ENG: variants seen among roughly 807,000 people sequenced by gnomAD.
ENG encodes CD105 antigen.
In ENG, 17 loss-of-function variants were observed where a neutral mutation model predicts 71.0. The observed-to-expected ratio is 0.24, with a 90% confidence interval of 0.16 to 0.36. The LOEUF is 0.36. Among genes scored for constraint, ENG ranks in the 10% least tolerant of loss-of-function variants. ENG has a pLI of 1.00. For synonymous variants in ENG, 360 were observed against 366.9 expected (o/e 0.98, Z 0.21); for missense variants, 749 against 868.3 (o/e 0.86, Z 1.73).
rs187935622 is a variant in ENG, at chr9:127,830,770, C to T, written c.220-943G>A. Among the ~76,000 whole-genome samples the T allele has an allele frequency of 1.3e-3, 200 of 152,204 alleles. 1 individual carries two copies. Among genetic ancestry groups the T allele is most frequent in the African/African-American group, 4.7e-3 (195 of 41,534 alleles). ...GTGTCCTGTGCATGGAGGCAGCGAT[C>T]CCCTGCCCCATCGTCCCCACCACCT... On this transcript the variant is annotated intron_variant, in intron 2 of 14. Coordinates refer to ENST00000373203, the MANE Select transcript of ENG (RefSeq NM_001114753.3).
intron 1 of ENG, among the ~76,000 whole-genome samples, chr9:127,843,772 T>C (rs1420284233): frequency 3.0e-5 from 3 of 100,086 alleles, no homozygotes; most frequent in African/African-American, 1.2e-4. Flanking sequence ...TTTTTTTTTT[T>C]TTTTTTTTTT....
At chr9:127,816,561 G>C (rs1830321717) in intron 13 of ENG, 1 of 248,830 alleles carries the variant, frequency 4.0e-6, no homozygotes, top group South Asian at 5.4e-5. Flanking sequence ...TTGAGCCTCT[G>C]ACATCCGATT....
intron 14 of ENG, 65 bp downstream of exon 14, chr9:127,815,878 C>T: frequency 6.4e-7 from 1 of 1,562,286 alleles, no homozygotes; most frequent in Non-Finnish European, 8.7e-7. Flanking sequence ...TCAGAGGCTT[C>T]ACTGGGCTCC....
Position 127,825,280 on chromosome 9 carries a change from G to C in ENG, c.767C>G (p.Pro256Arg). 6.2e-7 allele frequency: 1 copy of C among 1,612,146 alleles called. No individual in the cohort carries two copies. Among genetic ancestry groups the C allele is most frequent in the Non-Finnish European group, 8.5e-7 (1 of 1,179,622 alleles). Residue 256 changes from proline (P) to arginine (R), a missense_variant, in exon 6 of 15, where the codon CCC (proline) becomes CGC (arginine). Physicochemically the swap from Pro to Arg is moderately radical, Grantham distance 103. Coordinates refer to ENST00000373203, the MANE Select transcript of ENG (RefSeq NM_001114753.3). ...DLDAVLILQG[P>R]PYVSWLIDAN... Reference sequence around the variant, plus strand: ...GTCGATGAGCCAGGACACGTAGGGGGGACCCTGCAGGATGAGGACGGCATC... The same window carrying C: ...GTCGATGAGCCAGGACACGTAGGGGCGACCCTGCAGGATGAGGACGGCATC...
chr9:127,815,855 GC>G, intron 14 of ENG, 49 bp from the exon 15 acceptor site: 2 of 1,552,026 alleles, frequency 1.3e-6, no homozygotes, highest in Admixed American at 2.0e-5. Flanking sequence ...CCTGGCCAGG[GC>G]CCCTCAATCC....
intron 2 of ENG, among the ~76,000 whole-genome samples, chr9:127,842,116 T>C (rs1417032335): frequency 2.0e-5 from 3 of 152,112 alleles, no homozygotes; most frequent in African/African-American, 7.2e-5. Flanking sequence ...GAGAATCGTC[T>C]CCAGGCCGGC....
chr9:127,829,162 T>G (rs1463392643), intron 3 of ENG, among the ~76,000 whole-genome samples: 1 of 152,186 alleles, frequency 6.6e-6, no homozygotes, highest in East Asian at 1.9e-4. Context: ...AAATACTTTT[T>G]TCTCCAAAAT....
rs569137138 is a variant in ENG at position 127,833,517 on chromosome 9, C to T, written c.220-3690G>A. Among the ~76,000 whole-genome samples the T allele has an allele frequency of 4.0e-5, 5 of 123,658 alleles. No homozygotes were observed. The East Asian group carries it at 7.6e-4, about 19-fold the overall frequency. 81.1% of individuals were successfully genotyped at this position (123,658 alleles called of 152,430 possible). ...AGCCTGGGCAGCAAGAGTGAAACTCCGCCTCAAAAAAAAAAAAAAAAAAAA... is the reference window on the plus strand; with the variant it reads ...AGCCTGGGCAGCAAGAGTGAAACTCTGCCTCAAAAAAAAAAAAAAAAAAAA... On this transcript the variant is annotated intron_variant, in intron 2 of 14. Coordinates refer to ENST00000373203, the MANE Select transcript of ENG (RefSeq NM_001114753.3).
rs770870799 is a variant in ENG, at chr9:127,815,669, C to T, written c.*13G>A. The T allele has an allele frequency of 1.4e-5, 22 of 1,552,944 alleles. No homozygotes were observed. The highest frequency in any genetic ancestry group is 8.2e-5 in the South Asian group (7 of 84,948). ...CTCAGTCTCTCCTGCTGGGCGAGCG[C>T]GGGGGGCCGGGGCTATGCCATGCTG... On this transcript the variant is annotated 3_prime_UTR_variant, in exon 15 of 15. Coordinates refer to ENST00000373203, the MANE Select transcript of ENG (RefSeq NM_001114753.3).
rs1192728502 is a variant in ENG, at chr9:127,824,701, T to C, written c.991+99A>G. 9.0e-6 allele frequency: 12 copies of C among 1,336,020 alleles called. No homozygotes were observed. In the East Asian group the frequency reaches 2.3e-4, roughly 25 times the overall value. 82.8% of individuals were successfully genotyped at this position (1,336,020 alleles called of 1,614,324 possible). A position where few individuals can be genotyped will look rare whatever the true frequency, so the allele number is the denominator to read the frequency against. ...GAAAAATGAGGCTCAGAGAGGCTGA[T>C]GTACCTTGCCCAAGCTCACACAGAG... On this transcript the variant is annotated intron_variant, in intron 7 of 14. Transcript: ENST00000373203.
chr9:127,843,353 G>C (rs1831088314), intron 1 of ENG, 108 bp from the exon 2 acceptor site: 1 of 1,418,524 alleles, frequency 7.0e-7, no homozygotes. Context: ...CGGCTTTCCT[G>C]CATCATCACA....
At chr9:127,824,073 CT>C (rs1191051840) in intron 8 of ENG, among the ~76,000 whole-genome samples, 1 of 152,204 alleles carries the variant, frequency 6.6e-6, no homozygotes, top group Non-Finnish European at 1.5e-5. Context: ...TTACTAAGCA[CT>C]TACTATGTAC....
At chr9:127,835,642 C>T (rs373126280) in intron 2 of ENG, among the ~76,000 whole-genome samples, 14 of 152,138 alleles carry the variant, frequency 9.2e-5, no homozygotes, top group African/African-American at 3.4e-4. Flanking sequence ...ATGAAGGAGC[C>T]CCATGGCCAT....
rs377321205 is a variant in ENG, at chr9:127,819,643, C to A, written c.1290G>T (p.Leu430=). ...TCACCCGCTGTGGTGATGAGCTCGA[C>A]AGGATATTGACCACCGCCTGCGGGG... ...MISNEAVVNI[L]SSSSPQRKKV... Residue 430 remains leucine, a synonymous_variant, in exon 10 of 15, where the codon CTG becomes CTT. Transcript: ENST00000373203. 13 of 1,612,068 alleles carry A rather than the reference C, an allele frequency of 8.1e-6. No homozygotes were observed. Among genetic ancestry groups the A allele is most frequent in the Admixed American group, 1.7e-5 (1 of 59,688 alleles).
rs771035388 is a variant in ENG at position 127,837,810 on chromosome 9, C to CCATCCACATCCATCCATT, written c.219+5283_219+5284insAATGGATGGATGTGGATG. ...TCCATCCATCCATCCATCCATCCAT[C>CCATCCACATCCATCCATT]CATCCAACAGATATTGATTCCTGGG... On this transcript the variant is annotated intron_variant, in intron 2 of 14. Coordinates refer to ENST00000373203, the MANE Select transcript of ENG (RefSeq NM_001114753.3). Among the ~76,000 whole-genome samples the CCATCCACATCCATCCATT allele has an allele frequency of 2.2e-3, 338 of 151,076 alleles. 2 individuals carry two copies. The highest frequency in any genetic ancestry group is 7.4e-3 in the African/African-American group (303 of 40,828).
At chr9:127,848,288 C>CT (rs144002612) in intron 1 of ENG, among the ~76,000 whole-genome samples, 9,920 of 149,550 alleles carry the variant, frequency 0.066, 488 homozygotes, top group South Asian at 0.29. Context: ...ACCACCTGGC[C>CT]TTTTTTTTTT....
At chr9:127,822,712 A>C (rs888364409) in intron 8 of ENG, among the ~76,000 whole-genome samples, 1 of 152,276 alleles carries the variant, frequency 6.6e-6, no homozygotes, top group African/African-American at 2.4e-5. Flanking sequence ...CACATCTCTT[A>C]TGATTACATC....
chr9:127,820,839 AAT>A (rs373566592), intron 8 of ENG, among the ~76,000 whole-genome samples: 29 of 149,012 alleles, frequency 1.9e-4, no homozygotes, highest in South Asian at 4.2e-4. Context: ...AAAAAAAAAA[AAT>A]ATATATATAT....
At chr9:127,830,334 T>G (rs1588586430) in intron 2 of ENG, among the ~76,000 whole-genome samples, 1 of 104,618 alleles carries the variant, frequency 9.6e-6, no homozygotes, top group East Asian at 3.0e-4. Context: ...AGAGTGAGAC[T>G]CCATCTAAAA....
Sources: gnomAD v4.1 joint callset for allele counts (sites outside exome capture counted in the v4.1 genomes callset) on GRCh38, gnomAD v4.1.1 for gene constraint, MANE v1.5 for transcripts, NCBI Gene and HGNC (gene_info 2026-07-23, HGNC 2026-07-21) for gene names.